Variants in SDHA observed in about 807,000 individuals in gnomAD.
SDHA encodes succinate dehydrogenase complex flavoprotein subunit A.
SDHA carries 48 observed loss-of-function variants against 78.4 expected under a neutral mutation model. The ratio of observed to expected loss-of-function variants is 0.61; its 90% CI spans 0.49 to 0.78. The LOEUF is 0.78. Ranked by LOEUF, SDHA falls within the 30% of genes least tolerant of loss-of-function variation. The pLI, the probability that SDHA is intolerant of heterozygous loss-of-function variation, is 0.00. For missense variants in SDHA, 680 were observed against 892.7 expected (o/e 0.76, Z 3.04); for synonymous variants, 326 against 353.9 (o/e 0.92, Z 0.88).
chr5:233,713 A>C, intron 8 of SDHA, 68 bp downstream of exon 8: 2 of 1,508,120 alleles, frequency 1.3e-6, no homozygotes, highest in South Asian at 1.1e-5. Flanking sequence ...TGTGAGTTTC[A>C]GCACCGCTCG....
At chr5:262,483 G>A in the SDHA span, among the ~76,000 whole-genome samples, 3 of 151,902 alleles carry the variant, frequency 2.0e-5, no homozygotes, top group Non-Finnish European at 4.4e-5. Context: ...CATAGGAGTG[G>A]AACCCTGTTG....
rs1351081971 is a variant in SDHA, at chr5:254,640, C to T, written c.1908+134C>T. ...TCAACTCCCGACAGATTCGAGGCACCGCTGAAAAAGGCACTCCGACAGCAG... is the reference window on the plus strand; with the variant it reads ...TCAACTCCCGACAGATTCGAGGCACTGCTGAAAAAGGCACTCCGACAGCAG... On this transcript the variant is annotated intron_variant, in intron 14 of 14. Coordinates refer to ENST00000264932, the MANE Select transcript of SDHA (RefSeq NM_004168.4). 40 of 1,418,756 alleles carry T rather than the reference C, an allele frequency of 2.8e-5. 1 individual carries two copies. Among genetic ancestry groups the T allele is most frequent in the South Asian group, 1.6e-4 (13 of 81,390 alleles). The allele number at this position is 1,418,756 out of a possible 1,614,324, so 87.9% of individuals were successfully genotyped here. A position where few individuals can be genotyped will look rare whatever the true frequency, so the allele number is the denominator to read the frequency against.
Position 218,342 on chromosome 5 carries a change from C to T in SDHA, c.-14C>T, listed in dbSNP as rs779880614. 9.0e-6 allele frequency: 13 copies of T among 1,446,708 alleles called. No homozygotes were observed. The African/African-American group carries it at 1.2e-4, about 13-fold the overall frequency. The allele number at this position is 1,446,708 out of a possible 1,614,324, so 89.6% of individuals were successfully genotyped here. A position where few individuals can be genotyped will look rare whatever the true frequency, so the allele number is the denominator to read the frequency against. ...CGCAGGGACTGGCGGGACTGCGCGG[C>T]GGCAACAGCAGACATGTCGGGGGTC... On this transcript the variant is annotated 5_prime_UTR_variant, in exon 1 of 15. Coordinates refer to ENST00000264932, the MANE Select transcript of SDHA (RefSeq NM_004168.4).
rs774876028 is a variant in SDHA, at chr5:251,334, C to T, written c.1664-4C>T. 2 of 1,612,594 alleles carry T rather than the reference C, an allele frequency of 1.2e-6. No homozygotes were observed. Among genetic ancestry groups the T allele is most frequent in the Admixed American group, 1.7e-5 (1 of 59,798 alleles). On this transcript the variant is annotated splice_region_variant and splice_polypyrimidine_tract_variant and intron_variant, in intron 12 of 14. Transcript: ENST00000264932. ...GCCCCTGATGGAACTTTTTGTGTCC[C>T]CAGGAATGGTCTGGAACACGGACCT...
chr5:251,962 G>A (rs1438555319), intron 13 of SDHA: 6 of 344,094 alleles, frequency 1.7e-5, no homozygotes, highest in South Asian at 1.1e-4. Flanking sequence ...ATTAAATAAC[G>A]AGTAAGCCAC....
intron 11 of SDHA, among the ~76,000 whole-genome samples, chr5:246,519 C>T (rs892079937): frequency 2.6e-5 from 4 of 152,236 alleles, no homozygotes; most frequent in African/African-American, 9.6e-5. Context: ...TGCAGCTGAT[C>T]GAAAAGCAAG....
intron 5 of SDHA, among the ~76,000 whole-genome samples, chr5:227,167 T>A (rs1735081888): frequency 2.0e-5 from 3 of 151,958 alleles, no homozygotes; most frequent in African/African-American, 7.2e-5. Flanking sequence ...CACGCCACCA[T>A]GCCTGGCTAA....
At chr5:246,619 G>A (rs1234281672) in intron 11 of SDHA, among the ~76,000 whole-genome samples, 1 of 152,194 alleles carries the variant, frequency 6.6e-6, no homozygotes, top group Non-Finnish European at 1.5e-5. Flanking sequence ...TGGTGTTATT[G>A]TTCAAGAGCA....
At chr5:225,693 G>T in intron 4 of SDHA, 131 bp downstream of exon 4, 1 of 1,402,858 alleles carries the variant, frequency 7.1e-7, no homozygotes, top group Non-Finnish European at 1.0e-6. Flanking sequence ...CACAAGAAGA[G>T]TCTTTTTCCG....
chr5:264,942 TCA>T, the SDHA span, among the ~76,000 whole-genome samples: 6 of 152,210 alleles, frequency 3.9e-5, no homozygotes, highest in African/African-American at 1.4e-4. Context: ...GTGCGGTGGC[TCA>T]CACCTGTAAT....
chr5:218,372 G>C lies in SDHA; in HGVS notation c.17G>C (p.Gly6Ala), dbSNP rs187964306. 1 of 1,457,036 alleles carries C rather than the reference G, an allele frequency of 6.9e-7. No homozygotes were observed. The allele number at this position is 1,457,036 out of a possible 1,614,324, so 90.3% of individuals were successfully genotyped here. MSGVR[G>A]LSRLLSARRL... ...ACAGCAGACATGTCGGGGGTCCGGG[G>C]CCTGTCGCGGCTGCTGAGCGCTCGG... is the stretch of plus-strand genomic sequence containing the variant. The change falls in exon 1 of 15, where the codon GGC (glycine) becomes GCC (alanine). Residue 6 changes from glycine to alanine, a missense_variant. Physicochemically the swap from Gly to Ala is moderately conservative, Grantham distance 60. Transcript: ENST00000264932.
chr5:221,356 A>G (rs181989687), intron 1 of SDHA, among the ~76,000 whole-genome samples: 3 of 152,270 alleles, frequency 2.0e-5, no homozygotes, highest in Admixed American at 1.3e-4. Flanking sequence ...GATTTAGTTC[A>G]CTTAAACTAC....
intron 3 of SDHA, 160 bp downstream of exon 3, chr5:224,681 C>T (rs1343429364): frequency 1.4e-6 from 1 of 733,918 alleles, no homozygotes; most frequent in South Asian, 1.6e-5. Context: ...CTCCCTGGAG[C>T]CTCTTCCCTG....
Position 254,803 on chromosome 5 carries a change from AGAT to A in SDHA, c.1908+304_1908+306del, listed in dbSNP as rs1268398866. On this transcript the variant is annotated intron_variant, in intron 14 of 14. Transcript: ENST00000264932. ...GTCCAAGGCCTGGTGGTAGGGGAGG[AGAT>A]GATGATTGTGGACCTAGCGAGAAAG... is the stretch of plus-strand genomic sequence containing the variant. 2.0e-5 allele frequency among the ~76,000 whole-genome samples: 3 copies of A among 151,912 alleles called. No individual in the cohort carries two copies. The East Asian group carries it at 5.8e-4, about 29-fold the overall frequency.
intron 7 of SDHA, 126 bp from the exon 8 acceptor site, chr5:233,351 T>A: frequency 1.0e-6 from 1 of 980,534 alleles, no homozygotes; most frequent in Non-Finnish European, 1.6e-6. Flanking sequence ...TGCTGTGCAG[T>A]TTTGCACATA....
At chr5:247,733 C>T (rs114227541) in intron 11 of SDHA, among the ~76,000 whole-genome samples, 1,932 of 152,308 alleles carry the variant, frequency 0.013, 41 homozygotes, top group African/African-American at 0.043. Flanking sequence ...CTTCTGCCTA[C>T]GTTAAACGTC....
At chr5:219,667 C>G (rs1408163514) in intron 1 of SDHA, among the ~76,000 whole-genome samples, 1 of 152,114 alleles carries the variant, frequency 6.6e-6, no homozygotes, top group East Asian at 1.9e-4. Context: ...CTTTTAAGAG[C>G]TGCTAGGAGG....
intron 10 of SDHA, among the ~76,000 whole-genome samples, chr5:239,737 A>G (rs1188790160): frequency 6.6e-6 from 1 of 151,736 alleles, no homozygotes; most frequent in Non-Finnish European, 1.5e-5. Context: ...AGTGACATTT[A>G]TATACACTTA....
intron 11 of SDHA, among the ~76,000 whole-genome samples, chr5:243,170 C>G (rs1475539973): frequency 6.6e-6 from 1 of 152,174 alleles, no homozygotes. Flanking sequence ...AGAATACACC[C>G]TGCAGATCAA....
Sources: allele counts gnomAD v4.1 joint callset (sites outside exome capture counted in the v4.1 genomes callset), GRCh38; gene constraint gnomAD v4.1.1; transcripts MANE v1.5; gene names NCBI Gene and HGNC (gene_info 2026-07-23, HGNC 2026-07-21).